Variants in MRPL21 observed in about 807,000 individuals in gnomAD.
The protein encoded by MRPL21 is large ribosomal subunit protein bL21m.
A neutral mutation model predicts 27.3 loss-of-function variants in MRPL21; 20 were observed. The ratio of observed to expected loss-of-function variants is 0.73; its 90% CI spans 0.52 to 1.06. MRPL21 has a LOEUF of 1.06. MRPL21 is among the 50% of genes least tolerant of loss of function. The pLI is 0.00. For missense variants in MRPL21, 249 were observed against 251.4 expected (o/e 0.99, Z 0.06); for synonymous variants, 98 against 101.5 (o/e 0.97, Z 0.21).
At chr11:68,895,639 G>A (rs1053155634) in intron 4 of MRPL21, among the ~76,000 whole-genome samples, 1 of 152,200 alleles carries the variant, frequency 6.6e-6, no homozygotes, top group Non-Finnish European at 1.5e-5. Context: ...GACAGAGCGA[G>A]ACTGAGTCTG....
chr11:68,892,714 G>A (rs1276036906), intron 6 of MRPL21, 176 bp downstream of exon 6: 1 of 1,531,746 alleles, frequency 6.5e-7, no homozygotes, highest in Non-Finnish European at 8.7e-7. Flanking sequence ...GGGGAGCGAG[G>A]CTGGACCCTC....
chr11:68,901,923 AC>A (rs1170460617), intron 1 of MRPL21, among the ~76,000 whole-genome samples: 7 of 151,822 alleles, frequency 4.6e-5, no homozygotes, highest in Non-Finnish European at 1.0e-4. Context: ...CAGGCCCCAA[AC>A]CTCCATCAGT....
intron 3 of MRPL21, among the ~76,000 whole-genome samples, chr11:68,897,176 CA>C (rs1448132595): frequency 6.6e-6 from 1 of 152,226 alleles, no homozygotes; most frequent in East Asian, 1.9e-4. Context: ...GTTCCCCCTG[CA>C]CGCCTGTGCC....
intron 6 of MRPL21, 42 bp downstream of exon 6, chr11:68,892,848 A>G: frequency 6.3e-7 from 1 of 1,594,300 alleles, no homozygotes; most frequent in African/African-American, 1.3e-5. Flanking sequence ...CTGGGCAACC[A>G]GCACCGTGCA....
chr11:68,892,856 G>A, intron 6 of MRPL21, 34 bp downstream of exon 6: 2 of 1,598,384 alleles, frequency 1.3e-6, no homozygotes, highest in Non-Finnish European at 1.7e-6. Context: ...CCAGCACCGT[G>A]CAACAGGGCC....
chr11:68,895,409 G>A (rs1206401941), intron 4 of MRPL21, among the ~76,000 whole-genome samples: 1 of 152,068 alleles, frequency 6.6e-6, no homozygotes, highest in Non-Finnish European at 1.5e-5. Flanking sequence ...CAGCGCTTTG[G>A]GAGGCCAAGG....
chr11:68,902,803 T>A (rs1434141077), intron 1 of MRPL21, among the ~76,000 whole-genome samples: 2 of 152,160 alleles, frequency 1.3e-5, no homozygotes, highest in African/African-American at 4.8e-5. Flanking sequence ...CACCTATTTA[T>A]CCTTTTCTCC....
chr11:68,901,738 T>A (rs1857940493), intron 1 of MRPL21, among the ~76,000 whole-genome samples: 1 of 152,126 alleles, frequency 6.6e-6, no homozygotes, highest in Non-Finnish European at 1.5e-5. Flanking sequence ...ACTCCCAAGT[T>A]TACACCTCCA....
intron 3 of MRPL21, 79 bp from the exon 4 acceptor site, chr11:68,896,757 T>TGGTGG: frequency 1.9e-6 from 3 of 1,575,216 alleles, no homozygotes; most frequent in Non-Finnish European, 2.6e-6. Context: ...CAGCTCCTGG[T>TGGTGG]GGTGGGGCCC....
At chr11:68,902,153 C>A (rs1388092708) in intron 1 of MRPL21, among the ~76,000 whole-genome samples, 7 of 152,216 alleles carry the variant, frequency 4.6e-5, no homozygotes, top group African/African-American at 1.7e-4. Context: ...CTCTTCAAGG[C>A]CCCAGCTGCT....
chr11:68,895,402 C>T (rs139276383), intron 4 of MRPL21, among the ~76,000 whole-genome samples: 2,298 of 152,252 alleles, frequency 0.015, 51 homozygotes, highest in African/African-American at 0.053. Flanking sequence ...ATAATCCCAG[C>T]GCTTTGGGAG....
chr11:68,903,035 A>T (rs184815346), intron 1 of MRPL21, among the ~76,000 whole-genome samples: 37 of 152,298 alleles, frequency 2.4e-4, no homozygotes, highest in Non-Finnish European at 4.9e-4. Flanking sequence ...GTAACCATTC[A>T]TCTCCTGAAG....
In MRPL21 at chr11:68,897,922, C is replaced by T. The variant is rs1857839424; in HGVS notation, c.232+5G>A. ...TCTAGCTTCTGTCTCCCAGGGAGGT[C>T]TTACCTGCATGGTGTCTGGTCTCCT... On this transcript the variant is annotated splice_donor_5th_base_variant and intron_variant, in intron 3 of 6. Transcript: ENST00000362034. The T allele has an allele frequency of 6.2e-7, 1 of 1,613,352 alleles. No individual in the cohort carries two copies. The highest frequency in any genetic ancestry group is 8.5e-7 in the Non-Finnish European group (1 of 1,179,424).
At chr11:68,896,339 C>T (rs1857785961) in intron 4 of MRPL21, 176 bp downstream of exon 4, 4 of 759,460 alleles carry the variant, frequency 5.3e-6, no homozygotes, top group Non-Finnish European at 8.6e-6. Context: ...CCTGCCCTGC[C>T]CTTGGACCCC....
At chr11:68,902,437 T>G (rs948980708) in intron 1 of MRPL21, among the ~76,000 whole-genome samples, 8 of 152,274 alleles carry the variant, frequency 5.3e-5, no homozygotes, top group African/African-American at 1.9e-4. Context: ...TGGCCAATTT[T>G]GGCATCTACA....
chr11:68,891,350 A>G lies in MRPL21; in HGVS notation c.599T>C (p.Ile200Thr). 6.2e-7 allele frequency: 1 copy of G among 1,614,024 alleles called. No individual in the cohort carries two copies. The highest frequency in any genetic ancestry group is 1.1e-5 in the South Asian group (1 of 91,078). The change falls in exon 7 of 7, where the codon ATT (isoleucine) becomes ACT (threonine). Residue 200 changes from isoleucine to threonine, a missense_variant. By Grantham distance (89) the Ile-to-Thr change is moderately conservative (BLOSUM62 -1). Transcript: ENST00000362034. ...CGGTAATCACAACAAACACGGAGCA[A>G]TCTCAATGCTGTTTATCCGGAGGAC... ...QTVLRINSIEIAPCLL is the reference protein window; with the variant it reads ...QTVLRINSIETAPCLL
At position 68,893,618 on chromosome 11, in the gene MRPL21, C is replaced by G. The variant is rs565209916; in HGVS notation, c.397-163G>C. 4.6e-5 allele frequency among the ~76,000 whole-genome samples: 7 copies of G among 152,338 alleles called. No individual in the cohort carries two copies. In the East Asian group the frequency reaches 1.3e-3, roughly 29 times the overall value. ...CTAATGATCTCTTTAATATCTACAA[C>G]CGGGGCTGTGAGCTGACAAGTGGCA... On this transcript the variant is annotated intron_variant, in intron 4 of 6. Transcript: ENST00000362034.
intron 4 of MRPL21, among the ~76,000 whole-genome samples, chr11:68,895,192 A>G (rs1857756591): frequency 6.6e-6 from 1 of 152,140 alleles, no homozygotes; most frequent in South Asian, 2.1e-4. Flanking sequence ...TGAACCCGGA[A>G]GGCAGAGGTT....
At chr11:68,903,362 C>A (rs1297794146) in intron 1 of MRPL21, among the ~76,000 whole-genome samples, 1 of 152,172 alleles carries the variant, frequency 6.6e-6, no homozygotes, top group East Asian at 1.9e-4. Context: ...CAGCTCGCAG[C>A]CTGGGGGCAG....
Sources: gnomAD v4.1 joint callset for allele counts (sites outside exome capture counted in the v4.1 genomes callset) on GRCh38, gnomAD v4.1.1 for gene constraint, MANE v1.5 for transcripts, NCBI Gene and HGNC (gene_info 2026-07-23, HGNC 2026-07-21) for gene names.